Variants in PRDM16 observed in about 807,000 individuals in gnomAD.
PRDM16 encodes histone-lysine N-methyltransferase PRDM16.
PRDM16 carries 23 observed loss-of-function variants against 110.6 expected under a neutral mutation model. That is an observed-to-expected ratio of 0.21 (90% confidence interval 0.15 to 0.29). PRDM16 has a LOEUF of 0.29. Ranked by LOEUF, PRDM16 falls within the 10% of genes least tolerant of loss-of-function variation. PRDM16 has a pLI of 1.00. For missense variants in PRDM16, 1,615 were observed against 1,794.3 expected, an observed-to-expected ratio of 0.90 and a Z score of 1.81; for synonymous variants, 799 against 781.8, an observed-to-expected ratio of 1.02 and a Z score of -0.37.
intron 5 of PRDM16, among the ~76,000 whole-genome samples, chr1:3,402,368 T>G (rs576353451): frequency 1.1e-4 from 16 of 152,372 alleles, no homozygotes; most frequent in African/African-American, 3.1e-4. Context: ...CCTTTTAATT[T>G]GTTTGACCTT....
intron 2 of PRDM16, among the ~76,000 whole-genome samples, chr1:3,220,685 G>A (rs1639131557): frequency 6.6e-6 from 1 of 152,150 alleles, no homozygotes; most frequent in African/African-American, 2.4e-5. Context: ...GCAGTTCCTG[G>A]GTGTCACTGG....
At chr1:3,275,407 C>T (rs560400840) in intron 3 of PRDM16, among the ~76,000 whole-genome samples, 45 of 152,320 alleles carry the variant, frequency 3.0e-4, no homozygotes, top group African/African-American at 1.0e-3. Flanking sequence ...CTCCCTGGCC[C>T]CTCTGCCCAC....
chr1:3,333,660 G>A (rs1642087590), intron 3 of PRDM16, among the ~76,000 whole-genome samples: 1 of 152,112 alleles, frequency 6.6e-6, no homozygotes, highest in Non-Finnish European at 1.5e-5. Context: ...GGTGGGGTTT[G>A]GATGTGCGTC....
At chr1:3,079,126 C>T (rs546090014) in intron 1 of PRDM16, among the ~76,000 whole-genome samples, 16 of 152,368 alleles carry the variant, frequency 1.1e-4, no homozygotes, top group South Asian at 2.1e-4. Context: ...TGCTGCCCAC[C>T]GCCTCCCTGG....
At chr1:3,381,103 C>T (rs933556230) in intron 3 of PRDM16, among the ~76,000 whole-genome samples, 1 of 152,226 alleles carries the variant, frequency 6.6e-6, no homozygotes, top group Non-Finnish European at 1.5e-5. Flanking sequence ...TGGCTTCGGC[C>T]TTCTGCTCAC....
chr1:3,150,008 T>A (rs1299497171), intron 1 of PRDM16, among the ~76,000 whole-genome samples: 1 of 152,230 alleles, frequency 6.6e-6, no homozygotes, highest in Non-Finnish European at 1.5e-5. Flanking sequence ...AAGTGGACAC[T>A]GGCTGGGGCG....
Position 3,412,682 on chromosome 1 carries a change from G to C in PRDM16, c.2485G>C (p.Gly829Arg). Residue 829 changes from glycine (G) to arginine (R), a missense_variant, in exon 9 of 17, where the codon GGG (glycine) becomes CGG (arginine). Physicochemically the swap from Gly to Arg is moderately radical, Grantham distance 125. Around this residue, in one of 5 missense-constraint regions of PRDM16, gnomAD observed 772 missense variants for 748.3 expected, o/e 1.03. Transcript: ENST00000270722. ...GGAGCCCCGCAAGAACCACGTCTAT[G>C]GGGAACGCAAGCTGGGCGCCGGCGA... ...GREPRKNHVYGERKLGAGEGL... is the reference protein window; with the variant it reads ...GREPRKNHVYRERKLGAGEGL... 6.6e-7 allele frequency: 1 copy of C among 1,506,684 alleles called. No individual in the cohort carries two copies. The highest frequency in any genetic ancestry group is 1.3e-5 in the South Asian group (1 of 77,820). The allele number at this position is 1,506,684 out of a possible 1,614,324, so 93.3% of individuals were successfully genotyped here. A position where few individuals can be genotyped will look rare whatever the true frequency, so the allele number is the denominator to read the frequency against.
chr1:3,274,614 A>C (rs1054598405), intron 3 of PRDM16, among the ~76,000 whole-genome samples: 1 of 152,236 alleles, frequency 6.6e-6, no homozygotes, highest in Non-Finnish European at 1.5e-5. Context: ...AGCTAATTAC[A>C]GTAGCACCTG....
At chr1:3,088,283 C>T (rs1642194947) in intron 1 of PRDM16, among the ~76,000 whole-genome samples, 1 of 151,618 alleles carries the variant, frequency 6.6e-6, no homozygotes, top group South Asian at 2.1e-4. Flanking sequence ...GTCTAGAAAG[C>T]AATAAAAATA....
chr1:3,233,521 C>T (rs905945276), intron 2 of PRDM16, among the ~76,000 whole-genome samples: 11 of 152,318 alleles, frequency 7.2e-5, no homozygotes, highest in African/African-American at 2.2e-4. Context: ...TGCTCACAGA[C>T]ACTGGCCTTT....
At chr1:3,116,837 C>G (rs966337010) in intron 1 of PRDM16, among the ~76,000 whole-genome samples, 3 of 152,198 alleles carry the variant, frequency 2.0e-5, no homozygotes, top group Non-Finnish European at 2.9e-5. Flanking sequence ...TCCGTGTGCC[C>G]CCACCTGCCT....
chr1:3,362,402 G>C (rs981500835), intron 3 of PRDM16, among the ~76,000 whole-genome samples: 2 of 152,214 alleles, frequency 1.3e-5, no homozygotes, highest in African/African-American at 2.4e-5. Flanking sequence ...GGGCGGTCAT[G>C]GTTGCGGCAA....
chr1:3,205,768 C>T (rs1638739714), intron 2 of PRDM16, among the ~76,000 whole-genome samples: 3 of 152,242 alleles, frequency 2.0e-5, no homozygotes, highest in Non-Finnish European at 2.9e-5. Flanking sequence ...AGGCTAGAAC[C>T]GGCTTCCTGG....
chr1:3,374,216 CTCA>C (rs1396521832), intron 3 of PRDM16, among the ~76,000 whole-genome samples: 6 of 152,328 alleles, frequency 3.9e-5, no homozygotes, highest in African/African-American at 1.4e-4. Context: ...CCAGCACATC[CTCA>C]TCAACACAAG....
At chr1:3,335,955 T>C (rs1570095944) in intron 3 of PRDM16, among the ~76,000 whole-genome samples, 1 of 152,240 alleles carries the variant, frequency 6.6e-6, no homozygotes, top group African/African-American at 2.4e-5. Context: ...ACCTCCTTAC[T>C]GTGAACTCCG....
At chr1:3,183,885 G>A (rs1228480967) in intron 1 of PRDM16, among the ~76,000 whole-genome samples, 2 of 152,180 alleles carry the variant, frequency 1.3e-5, no homozygotes, top group African/African-American at 4.8e-5. Context: ...AGGCGCCCAC[G>A]CCCGAGAGGA....
intron 1 of PRDM16, among the ~76,000 whole-genome samples, chr1:3,180,359 G>T (rs1248359673): frequency 2.6e-5 from 4 of 152,038 alleles, no homozygotes; most frequent in African/African-American, 9.7e-5. Context: ...TGGAGTGGGT[G>T]TTCTTTCCAC....
intron 1 of PRDM16, among the ~76,000 whole-genome samples, chr1:3,185,528 C>G (rs557244468): frequency 1.7e-4 from 25 of 151,444 alleles, no homozygotes; most frequent in African/African-American, 1.9e-4. Flanking sequence ...GGATGTCCAG[C>G]CTGCGGCCCA....
chr1:3,400,630 G>C (rs1002963971), intron 5 of PRDM16, among the ~76,000 whole-genome samples: 2 of 152,234 alleles, frequency 1.3e-5, no homozygotes, highest in African/African-American at 4.8e-5. Flanking sequence ...AGAGGCTGGA[G>C]CTGAGGTGTG....
Sources: gnomAD v4.1 joint callset for allele counts (sites outside exome capture counted in the v4.1 genomes callset) on GRCh38, gnomAD v4.1.1 for gene constraint, gnomAD v4.1.1 regional missense constraint, MANE v1.5 for transcripts, NCBI Gene and HGNC (gene_info 2026-07-23, HGNC 2026-07-21) for gene names.